Variants in SLCO1A2 observed in about 807,000 individuals in gnomAD.
SLCO1A2 encodes OATP-1.
A neutral mutation model predicts 69.0 loss-of-function variants in SLCO1A2; 67 were observed. That is an observed-to-expected ratio of 0.97 (90% CI 0.80 to 1.19). The LOEUF is 1.19. Ranked by LOEUF, SLCO1A2 falls within the 50% of genes most tolerant of loss-of-function variation. The pLI, the probability that SLCO1A2 is intolerant of heterozygous loss-of-function variation, is 0.00. For synonymous variants in SLCO1A2, 260 were observed against 265.9 expected (o/e 0.98, Z 0.22); for missense variants, 787 against 793.7 (o/e 0.99, Z 0.10).
At chr12:21,379,256 T>C (rs1338958711) in intron 1 of SLCO1A2, 2 of 152,188 alleles carry the variant, frequency 1.3e-5, no homozygotes, top group African/African-American at 4.8e-5. Context: ...AGTCTATTGT[T>C]TGTTGTGCTT....
intron 3 of SLCO1A2, among the ~76,000 whole-genome samples, chr12:21,318,128 CTT>C (rs201619597): frequency 1.4e-5 from 2 of 143,686 alleles, no homozygotes; most frequent in Non-Finnish European, 1.5e-5. Context: ...TCTACCTTTT[CTT>C]TTTTTTTTTT....
intron 2 of SLCO1A2, among the ~76,000 whole-genome samples, chr12:21,340,074 T>C (rs959579027): frequency 9.9e-5 from 15 of 151,974 alleles, no homozygotes; most frequent in African/African-American, 3.4e-4. Context: ...TGATTCTCAG[T>C]AAGAAAAAAA....
chr12:21,413,231 C>CTTCT (rs1941937082), intron 1 of SLCO1A2, among the ~76,000 whole-genome samples: 1 of 94,718 alleles, frequency 1.1e-5, no homozygotes, highest in Admixed American at 1.1e-4. Context: ...TTTTCTTTTT[C>CTTCT]TTTTTCTTTT....
chr12:21,283,253 GA>G (rs1313241697), intron 12 of SLCO1A2, among the ~76,000 whole-genome samples: 2 of 151,780 alleles, frequency 1.3e-5, no homozygotes, highest in African/African-American at 4.8e-5. Flanking sequence ...AGAGAACTCT[GA>G]AAAAAAATCC....
intron 2 of SLCO1A2, among the ~76,000 whole-genome samples, chr12:21,366,808 G>T (rs1939423925): frequency 2.6e-5 from 4 of 151,690 alleles, no homozygotes; most frequent in Admixed American, 2.6e-4. Context: ...GGAAAAGTTG[G>T]TAGATTAGGA....
At chr12:21,273,604 T>A (rs1015265635) in intron 14 of SLCO1A2, among the ~76,000 whole-genome samples, 6 of 152,156 alleles carry the variant, frequency 3.9e-5, no homozygotes, top group Non-Finnish European at 8.8e-5. Context: ...AGAATCCAAG[T>A]AGCAGGATGA....
chr12:21,323,305 C>T (rs1292434480), intron 2 of SLCO1A2, among the ~76,000 whole-genome samples: 2 of 151,990 alleles, frequency 1.3e-5, no homozygotes, highest in African/African-American at 2.4e-5. Context: ...ATCTATATTC[C>T]CAGGATTTTG....
chr12:21,271,711 A>C (rs1474769398), intron 14 of SLCO1A2, among the ~76,000 whole-genome samples: 1 of 143,660 alleles, frequency 7.0e-6, no homozygotes, highest in African/African-American at 2.5e-5. Context: ...CTATGTGTAT[A>C]TACATGTGAA....
At chr12:21,372,691 A>G (rs755070872) in intron 2 of SLCO1A2, among the ~76,000 whole-genome samples, 11 of 152,206 alleles carry the variant, frequency 7.2e-5, no homozygotes, top group Non-Finnish European at 1.5e-4. Context: ...TGTGTATGAC[A>G]CACCATTAAC....
intron 2 of SLCO1A2, among the ~76,000 whole-genome samples, chr12:21,352,894 A>T (rs1328130766): frequency 1.3e-5 from 2 of 152,240 alleles, no homozygotes; most frequent in Non-Finnish European, 2.9e-5. Context: ...CTCAATTTAC[A>T]TTTAAAGTGA....
upstream of SLCO1A2, among the ~76,000 whole-genome samples, chr12:21,339,470 G>A (rs1295316310): frequency 2.6e-5 from 4 of 151,928 alleles, no homozygotes; most frequent in Non-Finnish European, 5.9e-5. Context: ...AACTAGCCGT[G>A]TGTTTTTGTA....
chr12:21,290,893 A>T (rs1946743849), intron 12 of SLCO1A2, among the ~76,000 whole-genome samples: 1 of 152,202 alleles, frequency 6.6e-6, no homozygotes, highest in African/African-American at 2.4e-5. Flanking sequence ...CTAAGTGAAG[A>T]TAATTGTATC....
intron 12 of SLCO1A2, among the ~76,000 whole-genome samples, chr12:21,280,592 T>C (rs1439091354): frequency 6.6e-6 from 1 of 151,576 alleles, no homozygotes; most frequent in Non-Finnish European, 1.5e-5. Context: ...CAAATATTAT[T>C]ATAGCTAAAG....
chr12:21,297,366 G>A (rs992438247), intron 9 of SLCO1A2, 38 bp downstream of exon 9: 7 of 1,561,732 alleles, frequency 4.5e-6, no homozygotes, highest in East Asian at 2.3e-5. Flanking sequence ...TTCGTGGGGG[G>A]GAAAGTGTGC....
At chr12:21,270,956 T>TATTA (rs2136046800) in intron 14 of SLCO1A2, among the ~76,000 whole-genome samples, 1 of 151,880 alleles carries the variant, frequency 6.6e-6, no homozygotes, top group African/African-American at 2.4e-5. Flanking sequence ...ATAGTCTATT[T>TATTA]ATTAATTTCT....
chr12:21,294,052 T>G lies in SLCO1A2; in HGVS notation c.1330A>C (p.Asn444His), dbSNP rs1278738569. Reference sequence around the variant, plus strand: ...GGATCCCATATTTTAGATGGACAGTTGCAATCCACATTGCAATCAGCAAAG... The same window carrying G: ...GGATCCCATATTTTAGATGGACAGTGGCAATCCACATTGCAATCAGCAAAG... ...DIFADCNVDC[N>H]CPSKIWDPVC... The change falls in exon 11 of 15, where the codon AAC (asparagine) becomes CAC (histidine). Residue 444 changes from asparagine (N) to histidine (H), a missense_variant. Transcript: ENST00000683939. 6.2e-7 allele frequency: 1 copy of G among 1,610,610 alleles called. No individual in the cohort carries two copies. Among genetic ancestry groups the G allele is most frequent in the East Asian group, 2.2e-5 (1 of 44,486 alleles).
intron 1 of SLCO1A2, among the ~76,000 whole-genome samples, chr12:21,415,889 C>T (rs1024849097): frequency 6.6e-6 from 1 of 152,004 alleles, no homozygotes; most frequent in African/African-American, 2.4e-5. Context: ...TATTTTCCTA[C>T]TTTTTGTCCT....
intron 1 of SLCO1A2, among the ~76,000 whole-genome samples, chr12:21,384,213 GAAA>G (rs1004727448): frequency 6.6e-6 from 1 of 151,372 alleles, no homozygotes; most frequent in Non-Finnish European, 1.5e-5. Flanking sequence ...AGACAGAGAA[GAAA>G]AAAAAGTCAG....
intron 1 of SLCO1A2, among the ~76,000 whole-genome samples, chr12:21,407,641 A>C (rs1941841714): frequency 6.6e-6 from 1 of 152,034 alleles, no homozygotes; most frequent in South Asian, 2.1e-4. Context: ...TGTCTACAAA[A>C]AACACAAAAA....
Sources: allele counts gnomAD v4.1 joint callset (sites outside exome capture counted in the v4.1 genomes callset), GRCh38; gene constraint gnomAD v4.1.1; transcripts MANE v1.5; gene names NCBI Gene and HGNC (gene_info 2026-07-23, HGNC 2026-07-21).